The following ATG7 variants were observed in gnomAD, a reference collection of about 807,000 sequenced individuals.
ATG7 encodes ubiquitin-like modifier-activating enzyme ATG7.
Under a neutral mutation model 82.4 loss-of-function variants are expected in ATG7, and 70 were observed. The observed-to-expected ratio is 0.85, with a 90% CI of 0.70 to 1.04. The LOEUF (loss-of-function observed/expected upper bound fraction) is 1.04, where lower values mean the gene tolerates loss of function less well. Among genes scored for constraint, ATG7 ranks in the 50% least tolerant of loss-of-function variants. ATG7 has a pLI of 0.00. For synonymous variants in ATG7, 287 were observed against 313.0 expected, an observed-to-expected ratio of 0.92 and a Z score of 0.88; for missense variants, 792 against 864.3, an observed-to-expected ratio of 0.92 and a Z score of 1.05.
intron 20 of ATG7, among the ~76,000 whole-genome samples, chr3:11,541,700 A>G (rs947232565): frequency 6.6e-6 from 1 of 152,200 alleles, no homozygotes; most frequent in Non-Finnish European, 1.5e-5. Context: ...TGAGCTCTCC[A>G]GTTTTCCTCC....
chr3:11,537,408 C>T (rs116059077), intron 20 of ATG7, among the ~76,000 whole-genome samples: 1,904 of 152,298 alleles, frequency 0.013, 43 homozygotes, highest in African/African-American at 0.043. Context: ...AGGGCAGGGA[C>T]GGACGCACCT....
intron 11 of ATG7, among the ~76,000 whole-genome samples, chr3:11,339,299 A>C (rs1243986121): frequency 3.6e-4 from 32 of 89,544 alleles, no homozygotes; most frequent in Non-Finnish European, 5.5e-5. Flanking sequence ...CTGTTTCAAA[A>C]AAAAAAAAAA....
intron 20 of ATG7, among the ~76,000 whole-genome samples, chr3:11,512,581 C>CT: frequency 6.6e-6 from 1 of 152,210 alleles, no homozygotes; most frequent in Non-Finnish European, 1.5e-5. Flanking sequence ...GTTAACAGTT[C>CT]TTAAAGCGGC....
chr3:11,573,328 A>G, the ATG7 span, among the ~76,000 whole-genome samples: 99 of 47,968 alleles, frequency 2.1e-3, 11 homozygotes, highest in East Asian at 5.3e-3. Context: ...AGAAAGAAAG[A>G]AAGAAAGAAA....
chr3:11,368,103 ACTT>A (rs2076745501), intron 18 of ATG7, among the ~76,000 whole-genome samples: 1 of 151,912 alleles, frequency 6.6e-6, no homozygotes, highest in Admixed American at 6.6e-5. Flanking sequence ...CTGATTTTGA[ACTT>A]CTGTAAATGA....
chr3:11,360,771 T>TG lies in ATG7; in HGVS notation c.1672dup (p.Ala558GlyfsTer52), dbSNP rs756398394. ...GGCTGCTACTTCTGCAATGATGTGG[T>TG]GGCCCCAGGAGATGTAAGTGGATTT... On this transcript the variant is annotated frameshift_variant, in exon 16 of 21. Transcript: ENST00000693202. LOFTEE classifies it high-confidence loss of function. 3 of 1,614,208 alleles carry TG rather than the reference T, an allele frequency of 1.9e-6. No individual in the cohort carries two copies. Among genetic ancestry groups the TG allele is most frequent in the Non-Finnish European group, 2.5e-6 (3 of 1,180,018 alleles).
At chr3:11,563,601 G>A in the ATG7 span, among the ~76,000 whole-genome samples, 2 of 152,232 alleles carry the variant, frequency 1.3e-5, no homozygotes, top group Admixed American at 6.5e-5. Context: ...GTGAGCGCTC[G>A]TAAAACGTTG....
intron 19 of ATG7, among the ~76,000 whole-genome samples, chr3:11,394,554 A>G (rs2079061734): frequency 6.6e-6 from 1 of 152,190 alleles, no homozygotes; most frequent in African/African-American, 2.4e-5. Context: ...GTGTCCTTTC[A>G]AGGTGAAGGA....
Position 11,305,147 on chromosome 3 carries a change from C to A in ATG7, c.216-1796C>A, listed in dbSNP as rs994655164. On this transcript the variant is annotated intron_variant, in intron 5 of 20. Coordinates refer to ENST00000693202, the MANE Select transcript of ATG7 (RefSeq NM_001349232.2). ...TCAGAACCAAGATTTGAACTAAATT[C>A]TCTTGTCTCCAAGTCTCAGGCTCCT... 4.6e-5 allele frequency among the ~76,000 whole-genome samples: 7 copies of A among 152,220 alleles called. 1 individual carries two copies. In the South Asian group the frequency reaches 1.4e-3, roughly 31 times the overall value.
chr3:11,288,808 A>G (rs564810053), intron 3 of ATG7: 2 of 152,320 alleles, frequency 1.3e-5, no homozygotes, highest in Admixed American at 6.5e-5. Flanking sequence ...TTTTATTTTC[A>G]TTAAAGTCTG....
chr3:11,524,679 C>T (rs145146479), intron 20 of ATG7, among the ~76,000 whole-genome samples: 4 of 152,138 alleles, frequency 2.6e-5, no homozygotes, highest in South Asian at 2.1e-4. Context: ...CCCAGCAGCT[C>T]GGGAGGCTGA....
intron 20 of ATG7, among the ~76,000 whole-genome samples, chr3:11,490,074 G>C (rs1305434517): frequency 1.3e-5 from 2 of 152,026 alleles, no homozygotes; most frequent in African/African-American, 2.4e-5. Context: ...GTTGACAGTG[G>C]GGTGTTAAAG....
intron 20 of ATG7, among the ~76,000 whole-genome samples, chr3:11,500,416 A>G (rs2091236328): frequency 6.6e-6 from 1 of 152,154 alleles, no homozygotes; most frequent in South Asian, 2.1e-4. Flanking sequence ...AAAAAATAGA[A>G]GTAACAATAA....
rs571087160 is a variant in ATG7 at position 11,310,962 on chromosome 3, C to T, written c.411+1901C>T. Among the ~76,000 whole-genome samples, 74 of 152,304 alleles carry T rather than the reference C, an allele frequency of 4.9e-4. 1 individual carries two copies. Among genetic ancestry groups the T allele is most frequent in the Admixed American group, 1.4e-3 (21 of 15,298 alleles). Reference sequence around the variant, plus strand: ...GCTCTTTACTGGGATAAATTGTAAGCATTGCTAGTTAAAGATTTCTAGTTA... The same window carrying T: ...GCTCTTTACTGGGATAAATTGTAAGTATTGCTAGTTAAAGATTTCTAGTTA... On this transcript the variant is annotated intron_variant, in intron 7 of 20. Transcript: ENST00000693202.
At chr3:11,356,533 C>A (rs1019837607) in intron 14 of ATG7, among the ~76,000 whole-genome samples, 2 of 152,102 alleles carry the variant, frequency 1.3e-5, no homozygotes, top group African/African-American at 4.8e-5. Flanking sequence ...AGCTTACTGG[C>A]TGAAATTTTA....
chr3:11,288,055 G>A (rs1944379313), intron 3 of ATG7, among the ~76,000 whole-genome samples: 1 of 152,170 alleles, frequency 6.6e-6, no homozygotes, highest in Non-Finnish European at 1.5e-5. Context: ...CAGACTGTTT[G>A]AGGCCTGCAG....
chr3:11,540,923 G>C lies in ATG7; in HGVS notation c.2080-13888G>C, dbSNP rs1004336989. Among the ~76,000 whole-genome samples the C allele has an allele frequency of 5.7e-5, 7 of 122,334 alleles. No homozygotes were observed. The East Asian group carries it at 8.3e-4, about 14-fold the overall frequency. 80.3% of individuals were successfully genotyped at this position (122,334 alleles called of 152,430 possible). On this transcript the variant is annotated intron_variant, in intron 20 of 20. Coordinates refer to ENST00000693202, the MANE Select transcript of ATG7 (RefSeq NM_001349232.2). ...AGCTTTTTTTGGGGGGGGGAGGGGG[G>C]GAGTCTTGCTCTGTCGCCCAGGCTG... is the stretch of plus-strand genomic sequence containing the variant.
intron 20 of ATG7, chr3:11,446,558 C>T (rs1368912545): frequency 4.6e-6 from 2 of 430,590 alleles, no homozygotes; most frequent in Non-Finnish European, 9.2e-6. Flanking sequence ...AAACACACAT[C>T]CAATGACAGT....
chr3:11,420,209 AT>A (rs978239071), intron 19 of ATG7, among the ~76,000 whole-genome samples: 1 of 152,236 alleles, frequency 6.6e-6, no homozygotes, highest in African/African-American at 2.4e-5. Flanking sequence ...TTCACAGCAC[AT>A]AAAAAGAATA....
Sources: allele counts gnomAD v4.1 joint callset (sites outside exome capture counted in the v4.1 genomes callset), GRCh38; gene constraint gnomAD v4.1.1; transcripts MANE v1.5; gene names NCBI Gene and HGNC (gene_info 2026-07-23, HGNC 2026-07-21).